The following ITGB2 variants were observed in gnomAD, a reference collection of about 807,000 sequenced individuals.
ITGB2 encodes the protein integrin beta-2.
A neutral mutation model predicts 86.8 loss-of-function variants in ITGB2; 56 were observed. The ratio of observed to expected loss-of-function variants is 0.65; its 90% CI spans 0.52 to 0.81. The LOEUF (loss-of-function observed/expected upper bound fraction) is 0.81, where lower values mean the gene tolerates loss of function less well. Ranked by LOEUF, ITGB2 falls within the 30% of genes least tolerant of loss-of-function variation. ITGB2 has a pLI of 0.00. For missense variants in ITGB2, 948 were observed against 1,061.2 expected (o/e 0.89, Z 1.48); for synonymous variants, 457 against 450.4 (o/e 1.01, Z -0.19).
At position 44,889,474 on chromosome 21, in the gene ITGB2, C is replaced by T; in HGVS notation, c.1679G>A (p.Gly560Glu). The change falls in exon 13 of 16, where the codon GGG becomes GAG. Residue 560 changes from glycine (G) to glutamate (E), a missense_variant. Physicochemically the swap from Gly to Glu is moderately conservative, Grantham distance 98. Coordinates refer to ENST00000652462, the MANE Select transcript of ITGB2 (RefSeq NM_000211.5). ...GGPGRGLCFC[G>E]KCRCHPGFEG... ...AAAGCCCGGGTGGCAGCGGCACTTC[C>T]CGCAGAAGCAGAGCCCCCTCCCTGG... 1 of 1,579,220 alleles carries T rather than the reference C, an allele frequency of 6.3e-7. No homozygotes were observed. Among genetic ancestry groups the T allele is most frequent in the Non-Finnish European group, 8.6e-7 (1 of 1,163,106 alleles).
chr21:44,925,422 G>GGAAGGAA (rs1568915722), upstream of ITGB2, among the ~76,000 whole-genome samples: 190 of 54,720 alleles, frequency 3.5e-3, no homozygotes, highest in Middle Eastern at 0.015. Flanking sequence ...GAGGGAGGGA[G>GGAAGGAA]GGAAGGAAGG....
intron 8 of ITGB2, among the ~76,000 whole-genome samples, chr21:44,896,694 C>A (rs1022563950): frequency 2.0e-5 from 3 of 152,236 alleles, no homozygotes; most frequent in Non-Finnish European, 2.9e-5. Flanking sequence ...TCCTGCTGAG[C>A]CTGCTGTGCG....
At position 44,888,723 on chromosome 21, in the gene ITGB2, G is replaced by T; in HGVS notation, c.2050C>A (p.Arg684Ser). 1.9e-6 allele frequency: 3 copies of T among 1,610,568 alleles called. No homozygotes were observed. The change falls in exon 14 of 16, where the codon CGC (arginine) becomes AGC (serine). Residue 684 changes from arginine (R) to serine (S), a missense_variant. Arg to Ser is a moderately radical substitution (Grantham distance 110). Coordinates refer to ENST00000652462, the MANE Select transcript of ITGB2 (RefSeq NM_000211.5). ...CTCTCATCCACATAGATGAGGTAGC[G>T]GTCCATCCCGTCCTGCTGCTCCAGC... The part of the protein sequence containing the change: ...YTLEQQDGMD[R>S]YLIYVDESRE...
chr21:44,901,811 G>C, intron 5 of ITGB2, 78 bp from the exon 6 acceptor site: 1 of 1,490,274 alleles, frequency 6.7e-7, no homozygotes, highest in Non-Finnish European at 9.1e-7. Flanking sequence ...GGGCACGAGG[G>C]CAAGCCTGTT....
intron 6 of ITGB2, among the ~76,000 whole-genome samples, chr21:44,901,074 A>G (rs1343393269): frequency 1.3e-5 from 2 of 152,186 alleles, no homozygotes; most frequent in African/African-American, 2.4e-5. Flanking sequence ...GACAGTCACA[A>G]ACTGGGTGGG....
chr21:44,900,487 G>A lies in ITGB2; in HGVS notation c.742-12C>T, dbSNP rs970688122. ...CAGCCGATTTCCTCCTGAGAAGAAG[G>A]CGTGGGGGGCAGGGTTACCTGCCTC... On this transcript the variant is annotated splice_polypyrimidine_tract_variant and intron_variant, in intron 6 of 15. Coordinates refer to ENST00000652462, the MANE Select transcript of ITGB2 (RefSeq NM_000211.5). The A allele has an allele frequency of 3.1e-6, 5 of 1,613,440 alleles. No homozygotes were observed. Among genetic ancestry groups the A allele is most frequent in the African/African-American group, 1.3e-5 (1 of 74,920 alleles).
At chr21:44,886,553 C>A (rs985773027) in intron 15 of ITGB2, 123 bp from the exon 16 acceptor site, 1 of 1,397,820 alleles carries the variant, frequency 7.2e-7, no homozygotes, top group South Asian at 1.2e-5. Flanking sequence ...GTGGGGCAGC[C>A]CCCCCAGGGT....
At chr21:44,902,317 G>A (rs2083972394) in intron 5 of ITGB2, among the ~76,000 whole-genome samples, 1 of 152,242 alleles carries the variant, frequency 6.6e-6, no homozygotes, top group South Asian at 2.1e-4. Flanking sequence ...GCATGTGTGT[G>A]CACATGCAAG....
chr21:44,899,612 C>T (rs11911476), intron 7 of ITGB2, among the ~76,000 whole-genome samples: 9 of 152,180 alleles, frequency 5.9e-5, no homozygotes, highest in African/African-American at 1.2e-4. Context: ...AAGTCCTTTG[C>T]GGCCCCCAGA....
upstream of ITGB2, chr21:44,923,016 A>C (rs955836654): frequency 1.3e-5 from 2 of 152,270 alleles, no homozygotes; most frequent in Non-Finnish European, 2.9e-5. Context: ...AACGTCACGG[A>C]CGCAGCAGAC....
chr21:44,910,362 C>T lies in ITGB2; in HGVS notation c.69G>A (p.Gln23=), dbSNP rs2084112034. The T allele has an allele frequency of 6.2e-7, 1 of 1,614,152 alleles. No homozygotes were observed. The highest frequency in any genetic ancestry group is 1.6e-4 in the Middle Eastern group (1 of 6,062). The stretch of plus-strand genomic sequence containing the variant: ...TGCTGACCTTGAACTTCGTGCACTC[C>T]TGAGAGAGGACTGAGGGACGAGGCC... The part of the protein sequence containing the change: ...GLLSLGCVLS[Q]ECTKFKVSSC... Residue 23 remains glutamine, a synonymous_variant, in exon 3 of 16, where the codon CAG becomes CAA. Transcript: ENST00000652462.
In ITGB2 at chr21:44,893,398, G is replaced by C. The variant is rs761185200; in HGVS notation, c.1224+6C>G. Reference sequence around the variant, plus strand: ...CTGGGATGGGGACCCTTGTGGCCAGGCTCACCGGGACATTGATCTGCACGC... The same window carrying C: ...CTGGGATGGGGACCCTTGTGGCCAGCCTCACCGGGACATTGATCTGCACGC... On this transcript the variant is annotated splice_donor_region_variant and intron_variant, in intron 10 of 15. Transcript: ENST00000652462. The C allele has an allele frequency of 6.2e-7, 1 of 1,613,454 alleles. No homozygotes were observed. The highest frequency in any genetic ancestry group is 1.3e-5 in the African/African-American group (1 of 74,868).
upstream of ITGB2, among the ~76,000 whole-genome samples, chr21:44,925,414 GGGAGGGAGGGAAGGAA>G (rs1431627696): frequency 1.4e-3 from 150 of 106,858 alleles, no homozygotes; most frequent in Non-Finnish European, 2.4e-3. Flanking sequence ...AAGGAAGGGA[GGGAGGGAGGGAAGGAA>G]GGAAGGAAGG....
intron 1 of ITGB2, chr21:44,911,233 C>T (rs536157922): frequency 3.7e-6 from 1 of 273,536 alleles, no homozygotes; most frequent in African/African-American, 2.2e-5. Flanking sequence ...ACACCATACT[C>T]CCCGCAAGAC....
intron 1 of ITGB2, among the ~76,000 whole-genome samples, chr21:44,915,432 G>A (rs2084194676): frequency 6.6e-6 from 1 of 152,150 alleles, no homozygotes; most frequent in African/African-American, 2.4e-5. Flanking sequence ...TCCTGCCTGT[G>A]CTGAAACCCA....
At chr21:44,897,989 G>C (rs2083893594) in intron 8 of ITGB2, among the ~76,000 whole-genome samples, 1 of 152,202 alleles carries the variant, frequency 6.6e-6, no homozygotes, top group South Asian at 2.1e-4. Flanking sequence ...GCCAAAGAGT[G>C]GTAGACCCCG....
At chr21:44,904,209 C>A (rs1417519303) in intron 4 of ITGB2, among the ~76,000 whole-genome samples, 1 of 152,112 alleles carries the variant, frequency 6.6e-6, no homozygotes, top group African/African-American at 2.4e-5. Flanking sequence ...CTTCAGCCCC[C>A]CTGGGCGGCA....
upstream of ITGB2, among the ~76,000 whole-genome samples, chr21:44,924,078 T>C (rs79531466): frequency 7.9e-3 from 1,204 of 152,110 alleles, 16 homozygotes; most frequent in African/African-American, 0.028. Flanking sequence ...CTGACAAATA[T>C]ATAAGCAAAC....
intron 1 of ITGB2, chr21:44,927,702 G>GA (rs1404492366): frequency 6.6e-6 from 1 of 152,362 alleles, no homozygotes; most frequent in Non-Finnish European, 1.5e-5. Context: ...CAGGGGCGGG[G>GA]GCGGAGAAGA....
Sources: allele counts gnomAD v4.1 joint callset (sites outside exome capture counted in the v4.1 genomes callset), GRCh38; gene constraint gnomAD v4.1.1; transcripts MANE v1.5; gene names NCBI Gene and HGNC (gene_info 2026-07-23, HGNC 2026-07-21).